Variants in NRG1 observed in about 807,000 individuals in gnomAD.
NRG1 encodes the protein pro-neuregulin-1, membrane-bound isoform.
NRG1 carries 18 observed loss-of-function variants against 63.8 expected under a neutral mutation model. The observed-to-expected ratio is 0.28, with a 90% confidence interval of 0.19 to 0.42. NRG1 has a LOEUF of 0.42. Among genes scored for constraint, NRG1 ranks in the 10% least tolerant of loss-of-function variants. The probability of loss-of-function intolerance (pLI) is 1.00; values close to 1 mark genes in which losing one functional copy is unlikely to be tolerated. For missense variants in NRG1, 762 were observed against 814.7 expected, an observed-to-expected ratio of 0.94 and a Z score of 0.79; for synonymous variants, 302 against 301.3, an observed-to-expected ratio of 1.00 and a Z score of -0.02.
intron 1 of NRG1, among the ~76,000 whole-genome samples, chr8:32,087,437 T>C (rs1828389951): frequency 6.6e-6 from 1 of 151,562 alleles, no homozygotes; most frequent in South Asian, 2.1e-4. Flanking sequence ...CAATTAAACC[T>C]CTTTTATTTC....
At chr8:32,300,695 T>G (rs930494950) in intron 1 of NRG1, among the ~76,000 whole-genome samples, 2 of 152,236 alleles carry the variant, frequency 1.3e-5, no homozygotes, top group Admixed American at 1.3e-4. Context: ...TAGATTGGAT[T>G]AGCTAGAGCT....
chr8:32,661,182 TCATA>T (rs1326748315), intron 5 of NRG1, among the ~76,000 whole-genome samples: 26 of 152,362 alleles, frequency 1.7e-4, no homozygotes, highest in Non-Finnish European at 3.1e-4. Context: ...ACATGGACAA[TCATA>T]TATGTGTATA....
At chr8:32,033,170 C>G (rs911938023) in intron 1 of NRG1, among the ~76,000 whole-genome samples, 31 of 149,950 alleles carry the variant, frequency 2.1e-4, no homozygotes, top group Admixed American at 1.0e-3. Context: ...TCTTGGCTCA[C>G]TGCAAGCTCC....
intron 1 of NRG1, among the ~76,000 whole-genome samples, chr8:32,222,994 T>C (rs1009198098): frequency 6.6e-6 from 1 of 152,212 alleles, no homozygotes; most frequent in Non-Finnish European, 1.5e-5. Context: ...TGGCATTCTC[T>C]CAAAGATCAG....
intron 1 of NRG1, among the ~76,000 whole-genome samples, chr8:32,184,530 A>C (rs532769126): frequency 2.6e-5 from 4 of 152,046 alleles, no homozygotes; most frequent in Non-Finnish European, 5.9e-5. Flanking sequence ...TTTGATAGAC[A>C]TGATTTCCAA....
At chr8:32,247,218 G>T (rs897066592) in intron 1 of NRG1, among the ~76,000 whole-genome samples, 2 of 151,984 alleles carry the variant, frequency 1.3e-5, no homozygotes, top group Non-Finnish European at 2.9e-5. Context: ...TGACTCATGT[G>T]GTGCTCTCTA....
chr8:32,021,032 C>A (rs904955677), intron 1 of NRG1, among the ~76,000 whole-genome samples: 1 of 152,126 alleles, frequency 6.6e-6, no homozygotes, highest in Non-Finnish European at 1.5e-5. Flanking sequence ...AAAACAAGTC[C>A]ATTACTATTT....
At chr8:31,741,793 G>T (rs1286724195) in intron 1 of NRG1, among the ~76,000 whole-genome samples, 1 of 151,980 alleles carries the variant, frequency 6.6e-6, no homozygotes, top group African/African-American at 2.4e-5. Context: ...TAGCTGTAAA[G>T]TTTGAAGATA....
chr8:31,670,957 C>T (rs78649787), intron 1 of NRG1, among the ~76,000 whole-genome samples: 2,842 of 152,244 alleles, frequency 0.019, 103 homozygotes, highest in African/African-American at 0.064. Flanking sequence ...ACCCTTCTCT[C>T]GCCCTCAATC....
intron 1 of NRG1, among the ~76,000 whole-genome samples, chr8:32,555,204 T>TA (rs1834894030): frequency 6.6e-6 from 1 of 152,152 alleles, no homozygotes; most frequent in Non-Finnish European, 1.5e-5. Context: ...AATCACGCCT[T>TA]ACAACAGCTC....
chr8:32,565,012 G>C (rs1216245185), intron 1 of NRG1, among the ~76,000 whole-genome samples: 1 of 152,142 alleles, frequency 6.6e-6, no homozygotes, highest in Non-Finnish European at 1.5e-5. Context: ...TGAGGGTACA[G>C]TGAACCATGA....
intron 1 of NRG1, among the ~76,000 whole-genome samples, chr8:32,392,988 C>T (rs1219024519): frequency 6.6e-6 from 1 of 152,112 alleles, no homozygotes; most frequent in East Asian, 1.9e-4. Flanking sequence ...TCTGCCCTCA[C>T]ACTGACCACT....
chr8:32,292,500 A>T (rs1854320516), intron 1 of NRG1, among the ~76,000 whole-genome samples: 1 of 152,210 alleles, frequency 6.6e-6, no homozygotes, highest in African/African-American at 2.4e-5. Context: ...AGGTTGAATC[A>T]GTTTGCATGG....
intron 1 of NRG1, among the ~76,000 whole-genome samples, chr8:31,939,726 A>C (rs1294627485): frequency 6.6e-6 from 1 of 152,176 alleles, no homozygotes; most frequent in Non-Finnish European, 1.5e-5. Flanking sequence ...GGGGTAAAAA[A>C]GATATTTTAT....
chr8:32,312,136 A>G (rs1204266448), intron 1 of NRG1, among the ~76,000 whole-genome samples: 4 of 140,438 alleles, frequency 2.8e-5, no homozygotes, highest in Non-Finnish European at 6.2e-5. Flanking sequence ...GGAGCCCTAC[A>G]TTCATTATTT....
At chr8:31,919,236 C>A (rs1833688552) in intron 1 of NRG1, among the ~76,000 whole-genome samples, 1 of 151,984 alleles carries the variant, frequency 6.6e-6, no homozygotes, top group Admixed American at 6.6e-5. Flanking sequence ...TATTTCTTGC[C>A]TTCTGCTAGC....
intron 1 of NRG1, among the ~76,000 whole-genome samples, chr8:32,418,141 C>A (rs2129485925): frequency 6.6e-6 from 1 of 152,122 alleles, no homozygotes; most frequent in South Asian, 2.1e-4. Flanking sequence ...ACTTATAATT[C>A]TCAACTATAT....
At chr8:31,913,817 G>A (rs1366053311) in intron 1 of NRG1, among the ~76,000 whole-genome samples, 1 of 152,074 alleles carries the variant, frequency 6.6e-6, no homozygotes, top group Non-Finnish European at 1.5e-5. Context: ...AAAAAATTGT[G>A]GAGATCAAAA....
At chr8:32,321,481 TA>T (rs74795735) in intron 1 of NRG1, among the ~76,000 whole-genome samples, 4,118 of 140,852 alleles carry the variant, frequency 0.029, 159 homozygotes, top group African/African-American at 0.092. Context: ...TTACCACCTG[TA>T]AAAAAAAAAA....
Sources: gnomAD v4.1 joint callset for allele counts (sites outside exome capture counted in the v4.1 genomes callset) on GRCh38, gnomAD v4.1.1 for gene constraint, MANE v1.5 for transcripts, NCBI Gene and HGNC (gene_info 2026-07-23, HGNC 2026-07-21) for gene names.